SDK1: variants seen among roughly 807,000 people sequenced by gnomAD.
SDK1 encodes sidekick cell adhesion molecule 1.
SDK1 carries 157 observed loss-of-function variants against 245.5 expected under a neutral mutation model. That is an observed-to-expected ratio of 0.64 (90% CI 0.56 to 0.73). The LOEUF (loss-of-function observed/expected upper bound fraction) is 0.73, where lower values mean the gene tolerates loss of function less well. Among genes scored for constraint, SDK1 ranks in the 30% least tolerant of loss-of-function variants. The pLI is 0.00. For synonymous variants in SDK1, 1,647 were observed against 1,278.5 expected (o/e 1.29, Z -6.15); for missense variants, 3,583 against 3,002.3 (o/e 1.19, Z -4.52).
chr7:3,565,815 A>G (rs1037058634), intron 1 of SDK1, among the ~76,000 whole-genome samples: 1 of 152,220 alleles, frequency 6.6e-6, no homozygotes, highest in Non-Finnish European at 1.5e-5. Flanking sequence ...AATGACAGGA[A>G]AAAGAAGTCT....
chr7:3,332,608 A>G (rs1404032037), intron 1 of SDK1, among the ~76,000 whole-genome samples: 1 of 152,162 alleles, frequency 6.6e-6, no homozygotes, highest in Admixed American at 6.5e-5. Flanking sequence ...CATTTATTTT[A>G]GAATTACTCT....
chr7:3,933,550 T>C (rs537419713), intron 5 of SDK1, among the ~76,000 whole-genome samples: 7 of 152,218 alleles, frequency 4.6e-5, no homozygotes, highest in Admixed American at 3.9e-4. Flanking sequence ...TCACTTGATG[T>C]TGGTTAGGAT....
intron 14 of SDK1, among the ~76,000 whole-genome samples, chr7:3,992,316 C>T (rs765325034): frequency 1.3e-5 from 2 of 152,330 alleles, no homozygotes; most frequent in Admixed American, 6.5e-5. Context: ...ATACACGTGG[C>T]CCTCTGCAGG....
At chr7:3,637,346 C>G (rs1782492089) in intron 2 of SDK1, among the ~76,000 whole-genome samples, 1 of 152,194 alleles carries the variant, frequency 6.6e-6, no homozygotes, top group African/African-American at 2.4e-5. Context: ...ATCTGCCTGC[C>G]TCGGCCTCCC....
intron 4 of SDK1, among the ~76,000 whole-genome samples, chr7:3,656,500 A>AG (rs998773949): frequency 6.6e-6 from 1 of 152,152 alleles, no homozygotes; most frequent in African/African-American, 2.4e-5. Flanking sequence ...TTGGACTCTA[A>AG]GGGGGTACTG....
chr7:3,435,321 C>CTTTTTTTTT lies in SDK1; in HGVS notation c.298+133456_298+133464dup, dbSNP rs71029672. ...ATACTTGACTTATGAAGGGGACTGC[C>CTTTTTTTTT]TTTTTTTTTTTTTTTTTTTTTTTTT... On this transcript the variant is annotated intron_variant, in intron 1 of 44. Coordinates refer to ENST00000404826, the MANE Select transcript of SDK1 (RefSeq NM_152744.4). 1.3e-3 allele frequency among the ~76,000 whole-genome samples: 75 copies of CTTTTTTTTT among 56,898 alleles called. 8 individuals are homozygous for CTTTTTTTTT. The highest frequency in any genetic ancestry group is 2.8e-3 in the African/African-American group (31 of 10,994). 37.3% of individuals were successfully genotyped at this position (56,898 alleles called of 152,430 possible).
intron 1 of SDK1, among the ~76,000 whole-genome samples, chr7:3,372,274 A>G (rs1032061822): frequency 6.6e-6 from 1 of 152,188 alleles, no homozygotes; most frequent in African/African-American, 2.4e-5. Flanking sequence ...TGTGACTGGT[A>G]GTTAGCAGAA....
intron 1 of SDK1, among the ~76,000 whole-genome samples, chr7:3,449,408 C>T (rs982395199): frequency 3.3e-5 from 5 of 152,160 alleles, no homozygotes; most frequent in Non-Finnish European, 5.9e-5. Context: ...TTGGATTTAG[C>T]TGCCATTATA....
At position 4,045,085 on chromosome 7, in the gene SDK1, G is replaced by A. The variant is rs934368120; in HGVS notation, c.2603-4263G>A. 7.2e-5 allele frequency among the ~76,000 whole-genome samples: 11 copies of A among 152,074 alleles called. No homozygotes were observed. In the East Asian group the frequency reaches 9.7e-4, roughly 13 times the overall value. ...TCATGCATTTGAGATTCACCTGTGC[G>A]TTCATGCGTATAAGTATTTTGTTCC... On this transcript the variant is annotated intron_variant, in intron 17 of 44. Transcript: ENST00000404826.
chr7:3,378,056 G>A (rs1028475121), intron 1 of SDK1, among the ~76,000 whole-genome samples: 2 of 152,168 alleles, frequency 1.3e-5, no homozygotes, highest in African/African-American at 2.4e-5. Context: ...TGGGATTACA[G>A]GCATGAACCA....
intron 1 of SDK1, among the ~76,000 whole-genome samples, chr7:3,499,924 T>C (rs1256311382): frequency 6.6e-6 from 1 of 152,164 alleles, no homozygotes; most frequent in Non-Finnish European, 1.5e-5. Flanking sequence ...TGGGCCATTA[T>C]AGGGTGAAAG....
At chr7:3,475,242 C>G (rs771690106) in intron 1 of SDK1, among the ~76,000 whole-genome samples, 2 of 152,198 alleles carry the variant, frequency 1.3e-5, no homozygotes, top group Non-Finnish European at 2.9e-5. Context: ...TTGTTGTCTT[C>G]AAGGCCTGGC....
chr7:3,638,797 TA>T (rs200872134), intron 2 of SDK1, among the ~76,000 whole-genome samples: 2,208 of 144,210 alleles, frequency 0.015, 47 homozygotes, highest in South Asian at 0.086. Context: ...TAATAAAATT[TA>T]AAAAAAAAAA....
chr7:3,679,950 A>C (rs1784048618), intron 4 of SDK1, among the ~76,000 whole-genome samples: 1 of 152,182 alleles, frequency 6.6e-6, no homozygotes, highest in African/African-American at 2.4e-5. Context: ...AAAAATGCAC[A>C]CGCAAATGTT....
intron 4 of SDK1, among the ~76,000 whole-genome samples, chr7:3,688,474 T>C (rs1256897743): frequency 6.6e-6 from 1 of 152,258 alleles, no homozygotes; most frequent in Non-Finnish European, 1.5e-5. Context: ...ATAAATGAGA[T>C]AATTAACACA....
chr7:3,408,107 G>A (rs937704880), intron 1 of SDK1, among the ~76,000 whole-genome samples: 4 of 151,914 alleles, frequency 2.6e-5, no homozygotes, highest in African/African-American at 4.8e-5. Context: ...GTGCGGTCTC[G>A]GCTTACTGCC....
intron 1 of SDK1, among the ~76,000 whole-genome samples, chr7:3,492,473 G>A (rs993786362): frequency 2.6e-5 from 4 of 152,212 alleles, no homozygotes; most frequent in Admixed American, 6.5e-5. Flanking sequence ...CAACCTGGGC[G>A]ACAGAGCGAG....
chr7:3,390,390 G>T (rs1163934545), intron 1 of SDK1, among the ~76,000 whole-genome samples: 1 of 152,162 alleles, frequency 6.6e-6, no homozygotes, highest in Non-Finnish European at 1.5e-5. Flanking sequence ...TCTAATTACA[G>T]TTATCGAAGC....
chr7:3,918,371 C>T (rs1236626627), intron 5 of SDK1, among the ~76,000 whole-genome samples: 1 of 152,224 alleles, frequency 6.6e-6, no homozygotes, highest in Non-Finnish European at 1.5e-5. Flanking sequence ...CCTGTCAGAT[C>T]AGCGGCTGCA....
Sources: allele counts gnomAD v4.1 joint callset (sites outside exome capture counted in the v4.1 genomes callset), GRCh38; gene constraint gnomAD v4.1.1; transcripts MANE v1.5; gene names NCBI Gene and HGNC (gene_info 2026-07-23, HGNC 2026-07-21).